ZNF804B: variants seen among roughly 807,000 people sequenced by gnomAD.
The protein encoded by ZNF804B is zinc finger protein 804B, also known as zinc finger 804B.
Under a neutral mutation model 101.4 loss-of-function variants are expected in ZNF804B, and 80 were observed. That is an observed-to-expected ratio of 0.79 (90% CI 0.66 to 0.95). ZNF804B has a LOEUF of 0.95. Ranked by LOEUF, ZNF804B falls within the 40% of genes least tolerant of loss-of-function variation. ZNF804B has a pLI of 0.00. For missense variants in ZNF804B, 1,673 were observed against 1,561.9 expected (o/e 1.07, Z -1.20); for synonymous variants, 622 against 558.8 (o/e 1.11, Z -1.59).
intron 1 of ZNF804B, among the ~76,000 whole-genome samples, chr7:89,152,178 G>T (rs1245727684): frequency 6.6e-6 from 1 of 151,650 alleles, no homozygotes; most frequent in Non-Finnish European, 1.5e-5. Context: ...TTTTAAGTGA[G>T]ATAAGAGAGC....
rs189538935 is a variant in ZNF804B, at chr7:88,917,136, G to T, written c.108+157052G>T. Among the ~76,000 whole-genome samples, 676 of 152,090 alleles carry T rather than the reference G, an allele frequency of 4.4e-3. 4 individuals are homozygous for T. The highest frequency in any genetic ancestry group is 0.025 in the East Asian group (128 of 5,170). ...AAAAATTAGCCGGATGTGGTGGCAGGTGTGTGTAATCCCAGCTACTTGGAA... is the reference window on the plus strand; with the variant it reads ...AAAAATTAGCCGGATGTGGTGGCAGTTGTGTGTAATCCCAGCTACTTGGAA... On this transcript the variant is annotated intron_variant, in intron 1 of 3. Coordinates refer to ENST00000333190, the MANE Select transcript of ZNF804B (RefSeq NM_181646.5).
intron 1 of ZNF804B, among the ~76,000 whole-genome samples, chr7:88,770,403 G>A (rs1790044822): frequency 6.6e-6 from 1 of 152,106 alleles, no homozygotes; most frequent in African/African-American, 2.4e-5. Context: ...CACAAGCCAG[G>A]GAATGCAAGT....
chr7:88,906,106 A>G (rs1403630852), intron 1 of ZNF804B, among the ~76,000 whole-genome samples: 2 of 151,942 alleles, frequency 1.3e-5, no homozygotes, highest in Non-Finnish European at 2.9e-5. Context: ...GTATTTCTGT[A>G]GAATGGGTTG....
At chr7:88,943,054 A>G (rs1424262987) in intron 1 of ZNF804B, among the ~76,000 whole-genome samples, 1 of 151,932 alleles carries the variant, frequency 6.6e-6, no homozygotes, top group Admixed American at 6.6e-5. Context: ...TATGCTTGCC[A>G]GCTGCAAACC....
intron 1 of ZNF804B, among the ~76,000 whole-genome samples, chr7:89,003,163 A>G (rs1788315370): frequency 1.3e-5 from 2 of 151,882 alleles, no homozygotes; most frequent in African/African-American, 4.8e-5. Flanking sequence ...GTTTTCTGAG[A>G]CTATAATAGT....
chr7:88,819,116 CTTTTT>C (rs1271825936), intron 1 of ZNF804B, among the ~76,000 whole-genome samples: 1 of 151,720 alleles, frequency 6.6e-6, no homozygotes, highest in East Asian at 1.9e-4. Flanking sequence ...TCCACATTTT[CTTTTT>C]TTTGTTTTGT....
intron 1 of ZNF804B, among the ~76,000 whole-genome samples, chr7:88,954,743 T>A (rs1454255327): frequency 1.3e-5 from 2 of 151,764 alleles, no homozygotes; most frequent in East Asian, 3.9e-4. Flanking sequence ...TCTTCACTGA[T>A]AATATTTCAG....
chr7:88,872,386 C>A (rs1225061646), intron 1 of ZNF804B, among the ~76,000 whole-genome samples: 1 of 152,050 alleles, frequency 6.6e-6, no homozygotes, highest in Non-Finnish European at 1.5e-5. Context: ...CACTTCACTC[C>A]AGCCTGAGTG....
intron 1 of ZNF804B, among the ~76,000 whole-genome samples, chr7:89,071,537 GCC>G: frequency 6.6e-6 from 1 of 151,988 alleles, no homozygotes. Context: ...AAGCAGTAGT[GCC>G]CACAGAACAA....
intron 1 of ZNF804B, among the ~76,000 whole-genome samples, chr7:88,927,047 G>A (rs17165493): frequency 0.083 from 12,545 of 151,766 alleles, 732 homozygotes; most frequent in East Asian, 0.19. Context: ...GTGAAAAGAA[G>A]TGCCCTTCAT....
At chr7:89,269,006 CTTTTTTA>C (rs1562932240) in intron 2 of ZNF804B, among the ~76,000 whole-genome samples, 1 of 151,784 alleles carries the variant, frequency 6.6e-6, no homozygotes, top group Non-Finnish European at 1.5e-5. Context: ...CTAGATTGTT[CTTTTTTA>C]TTTTTTATTT....
chr7:89,028,379 G>A (rs1408262665), intron 1 of ZNF804B, among the ~76,000 whole-genome samples: 1 of 152,066 alleles, frequency 6.6e-6, no homozygotes, highest in Non-Finnish European at 1.5e-5. Flanking sequence ...TGAGGAGAAA[G>A]CTCTAGAAAG....
intron 1 of ZNF804B, among the ~76,000 whole-genome samples, chr7:88,990,975 A>C (rs1259398176): frequency 9.2e-5 from 14 of 152,158 alleles, no homozygotes. Flanking sequence ...CCCAAATAAT[A>C]TTAAAGATCT....
At chr7:88,964,481 A>C (rs1029643854) in intron 1 of ZNF804B, among the ~76,000 whole-genome samples, 1 of 151,490 alleles carries the variant, frequency 6.6e-6, no homozygotes, top group African/African-American at 2.4e-5. Context: ...AGTCAAATTC[A>C]TAAAGACAGA....
At chr7:88,769,175 A>G (rs1487647598) in intron 1 of ZNF804B, among the ~76,000 whole-genome samples, 1 of 152,344 alleles carries the variant, frequency 6.6e-6, no homozygotes, top group Non-Finnish European at 1.5e-5. Context: ...TAATGATTTC[A>G]ATAGAAAATA....
At chr7:88,955,756 TA>T (rs1793296205) in intron 1 of ZNF804B, among the ~76,000 whole-genome samples, 1 of 151,484 alleles carries the variant, frequency 6.6e-6, no homozygotes, top group Admixed American at 6.6e-5. Context: ...AATGAGACTA[TA>T]TTAAACTAAA....
At chr7:89,178,563 T>G (rs974733003) in intron 1 of ZNF804B, among the ~76,000 whole-genome samples, 1 of 152,184 alleles carries the variant, frequency 6.6e-6, no homozygotes, top group Non-Finnish European at 1.5e-5. Flanking sequence ...CTCTACACTT[T>G]AACTTCATCT....
chr7:88,915,879 T>C (rs1207186005), intron 1 of ZNF804B, among the ~76,000 whole-genome samples: 1 of 151,954 alleles, frequency 6.6e-6, no homozygotes, highest in Admixed American at 6.6e-5. Flanking sequence ...TTTAAAATCA[T>C]GTATTTAAAC....
chr7:89,084,875 T>C (rs574620365), intron 1 of ZNF804B, among the ~76,000 whole-genome samples: 14 of 152,106 alleles, frequency 9.2e-5, no homozygotes, highest in Middle Eastern at 3.4e-3. Flanking sequence ...CAATAAAATG[T>C]TATTTATTAC....
Sources: allele counts gnomAD v4.1 joint callset (sites outside exome capture counted in the v4.1 genomes callset), GRCh38; gene constraint gnomAD v4.1.1; transcripts MANE v1.5; gene names NCBI Gene and HGNC (gene_info 2026-07-23, HGNC 2026-07-21).